The following C3orf49 variants were observed in gnomAD, a reference collection of about 807,000 sequenced individuals.
C3orf49 encodes the protein chromosome 3 open reading frame 49, also known as putative uncharacterized protein C3orf49.
Under a neutral mutation model 13.3 loss-of-function variants are expected in C3orf49, and 27 were observed. The observed-to-expected ratio is 2.02, with a 90% confidence interval of 1.49 to 2.79. The LOEUF (loss-of-function observed/expected upper bound fraction) is 2.79. Ranked by LOEUF, C3orf49 falls within the 30% of genes most tolerant of loss-of-function variation. C3orf49 has a pLI of 0.00. For missense variants in C3orf49, 242 were observed against 134.2 expected (o/e 1.80, Z -3.97); for synonymous variants, 87 against 47.6 (o/e 1.83, Z -3.40).
chr3:63,838,617 G>T, intron 5 of C3orf49: 1 of 1,033,714 alleles, frequency 9.7e-7, no homozygotes. Context: ...AGAATCATTT[G>T]CTTATTTAAA....
chr3:63,797,904 G>GTCAT, the C3orf49 span, among the ~76,000 whole-genome samples: 7 of 152,040 alleles, frequency 4.6e-5, no homozygotes, highest in African/African-American at 1.7e-4. Flanking sequence ...ATCCAGACTC[G>GTCAT]TTACATTGTC....
At chr3:63,818,382 A>G (rs1057008094), upstream of C3orf49, among the ~76,000 whole-genome samples, 3 of 152,152 alleles carry the variant, frequency 2.0e-5, no homozygotes, top group Admixed American at 6.5e-5. Context: ...ACCATTTTAA[A>G]GCTCTTTTCC....
chr3:63,818,606 C>A (rs1450340091), upstream of C3orf49, among the ~76,000 whole-genome samples: 1 of 152,180 alleles, frequency 6.6e-6, no homozygotes, highest in Non-Finnish European at 1.5e-5. Context: ...ACACAGAAAG[C>A]AGAGTAATTC....
chr3:63,839,121 C>T (rs538978090), intron 5 of C3orf49, among the ~76,000 whole-genome samples: 1 of 152,000 alleles, frequency 6.6e-6, no homozygotes, highest in East Asian at 1.9e-4. Context: ...ACCTGGGGGG[C>T]GGAGGTTGCA....
chr3:63,782,658 T>C, the C3orf49 span: 2 of 152,222 alleles, frequency 1.3e-5, no homozygotes, highest in African/African-American at 2.4e-5. Context: ...CTAGTTAAAA[T>C]GTCAATCAAG....
intron 5 of C3orf49, chr3:63,838,074 G>A (rs1214093514): frequency 1.3e-6 from 2 of 1,575,836 alleles, no homozygotes; most frequent in African/African-American, 1.4e-5. Flanking sequence ...TATATGAGAA[G>A]GTTTTTTAAA....
the C3orf49 span, among the ~76,000 whole-genome samples, chr3:63,788,357 T>C: frequency 6.6e-6 from 1 of 152,362 alleles, no homozygotes; most frequent in East Asian, 1.9e-4. Flanking sequence ...GCTGGTCTCA[T>C]GGAAGACTAC....
the C3orf49 span, among the ~76,000 whole-genome samples, chr3:63,799,617 C>G: frequency 6.6e-6 from 1 of 152,098 alleles, no homozygotes; most frequent in Admixed American, 6.6e-5. Flanking sequence ...TAAAGCCTAT[C>G]ATTTGCAAAA....
chr3:63,829,700 T>A (rs928649019), intron 3 of C3orf49, among the ~76,000 whole-genome samples: 13 of 152,204 alleles, frequency 8.5e-5, no homozygotes, highest in African/African-American at 2.6e-4. Context: ...GTGGCTCATG[T>A]CTGTAATCCT....
intron 3 of C3orf49, among the ~76,000 whole-genome samples, chr3:63,828,693 T>G (rs1701496502): frequency 6.6e-6 from 1 of 152,200 alleles, no homozygotes; most frequent in Admixed American, 6.5e-5. Context: ...AAGACTTACC[T>G]TAAAGCTATG....
intron 6 of C3orf49, among the ~76,000 whole-genome samples, chr3:63,845,713 C>CA (rs1701877747): frequency 6.6e-6 from 1 of 152,138 alleles, no homozygotes; most frequent in South Asian, 2.1e-4. Context: ...AAGGCGATCT[C>CA]AAAGCCAAAG....
chr3:63,804,374 C>T, the C3orf49 span, among the ~76,000 whole-genome samples: 3 of 152,190 alleles, frequency 2.0e-5, no homozygotes. Context: ...ACACTGCAGG[C>T]TCTGCCTTCC....
chr3:63,799,453 G>T, the C3orf49 span, among the ~76,000 whole-genome samples: 1 of 152,072 alleles, frequency 6.6e-6, no homozygotes, highest in African/African-American at 2.4e-5. Flanking sequence ...GCATCAACAT[G>T]TTCAATTGTG....
chr3:63,817,531 C>T (rs963658256), upstream of C3orf49, among the ~76,000 whole-genome samples: 6 of 152,008 alleles, frequency 3.9e-5, no homozygotes, highest in Admixed American at 2.6e-4. Flanking sequence ...TCCTGTTTTA[C>T]GAACGAGAAA....
In C3orf49 at chr3:63,819,465, G is replaced by A. The variant is rs1461404156; in HGVS notation, c.-7G>A. ...CAAAACGGCTACTACAGGTGAAGTT[G>A]AGAGCAATGGCCCAACCTCAGCTGT... is the stretch of plus-strand genomic sequence containing the variant. On this transcript the variant is annotated 5_prime_UTR_variant, in exon 1 of 7. Transcript: ENST00000295896. 1.4e-6 allele frequency: 1 copy of A among 702,740 alleles called. No homozygotes were observed. The highest frequency in any genetic ancestry group is 2.6e-6 in the Non-Finnish European group (1 of 384,848). The allele number at this position is 702,740 out of a possible 1,614,324, so 43.5% of individuals were successfully genotyped here.
At chr3:63,789,963 G>C in the C3orf49 span, among the ~76,000 whole-genome samples, 1 of 152,086 alleles carries the variant, frequency 6.6e-6, no homozygotes, top group Non-Finnish European at 1.5e-5. Flanking sequence ...CAATAGGAAT[G>C]GTTTTTTACC....
chr3:63,810,667 C>T, the C3orf49 span, among the ~76,000 whole-genome samples: 1 of 152,116 alleles, frequency 6.6e-6, no homozygotes, highest in Non-Finnish European at 1.5e-5. Flanking sequence ...GTTGCCATTG[C>T]ATTAAAGAGT....
chr3:63,833,148 G>A (rs1307494031), intron 5 of C3orf49, among the ~76,000 whole-genome samples: 1 of 150,624 alleles, frequency 6.6e-6, no homozygotes, highest in Admixed American at 6.6e-5. Flanking sequence ...CCAGGCTGGA[G>A]TGCAATGGTG....
the C3orf49 span, among the ~76,000 whole-genome samples, chr3:63,811,443 A>G: frequency 2.0e-5 from 3 of 151,992 alleles, no homozygotes; most frequent in African/African-American, 4.8e-5. Flanking sequence ...CTGTAATCCC[A>G]GCTACTCCGG....
Sources: allele counts gnomAD v4.1 joint callset (sites outside exome capture counted in the v4.1 genomes callset), GRCh38; gene constraint gnomAD v4.1.1; transcripts MANE v1.5; gene names NCBI Gene and HGNC (gene_info 2026-07-23, HGNC 2026-07-21).